ZNF570: variants seen among roughly 807,000 people sequenced by gnomAD.
ZNF570 encodes zinc finger protein 570.
ZNF570 carries 8 observed loss-of-function variants against 14.2 expected under a neutral mutation model. The observed-to-expected ratio is 0.56, with a 90% CI of 0.33 to 1.02. ZNF570 has a LOEUF of 1.02. Ranked by LOEUF, ZNF570 falls within the 50% of genes least tolerant of loss-of-function variation. The pLI, the probability that ZNF570 is intolerant of heterozygous loss-of-function variation, is 0.03. For missense variants in ZNF570, 559 were observed against 624.9 expected (o/e 0.89, Z 1.12); for synonymous variants, 202 against 207.6 (o/e 0.97, Z 0.23).
In ZNF570 at chr19:37,475,928, A is replaced by G; in HGVS notation, c.81A>G (p.Glu27=). 1 of 1,613,944 alleles carries G rather than the reference A, an allele frequency of 6.2e-7. No homozygotes were observed. The highest frequency in any genetic ancestry group is 8.5e-7 in the Non-Finnish European group (1 of 1,179,908). ...RDVAVDFSQE[E]WDCLDSSQRH... is the part of the protein sequence containing the mutation. ...TGGCTGTAGACTTCTCCCAAGAGGA[A>G]TGGGATTGTCTGGATTCTTCTCAAA... Residue 27 remains glutamate, a synonymous_variant, in exon 3 of 5, where the codon GAA becomes GAG. Transcript: ENST00000330173.
rs750537233 is a variant in ZNF570 at position 37,484,538 on chromosome 19, G to A, written c.916G>A (p.Val306Ile). 1.2e-6 allele frequency: 2 copies of A among 1,614,152 alleles called. No individual in the cohort carries two copies. The highest frequency in any genetic ancestry group is 1.7e-6 in the Non-Finnish European group (2 of 1,180,026). ...TGGAGAAAAACCTTACGAATGTAAG[G>A]TATGTCGAAAAGCCTTCAGCCAGTT... is the stretch of plus-strand genomic sequence containing the variant. Reference protein sequence around the residue: ...HTGEKPYECKVCRKAFSQFAY... With the variant: ...HTGEKPYECKICRKAFSQFAY... Residue 306 changes from valine (V) to isoleucine (I), a missense_variant, in exon 5 of 5, where the codon GTA becomes ATA. By Grantham distance (29) the Val-to-Ile change is conservative. Coordinates refer to ENST00000330173, the MANE Select transcript of ZNF570 (RefSeq NM_144694.5).
At chr19:37,470,115 C>G (rs1167610514) in intron 1 of ZNF570, 189 bp from the exon 2 acceptor site, 2 of 531,002 alleles carry the variant, frequency 3.8e-6, no homozygotes, top group Admixed American at 6.3e-5. Context: ...CTGTTGTTAA[C>G]CTAAGGAATT....
At chr19:37,478,808 T>C in intron 4 of ZNF570, among the ~76,000 whole-genome samples, 1 of 151,388 alleles carries the variant, frequency 6.6e-6, no homozygotes, top group East Asian at 1.9e-4. Context: ...CTTAATGTGG[T>C]AAATTACATA....
Position 37,486,113 on chromosome 19 carries a change from T to TG in ZNF570, c.*881dup, listed in dbSNP as rs1330790290. On this transcript the variant is annotated 3_prime_UTR_variant, in exon 5 of 5. Transcript: ENST00000330173. The stretch of plus-strand genomic sequence containing the variant: ...CCAGTTAAAACTTTTTTTTTTTTTT[T>TG]GCTTGTTATTGTTCTTAGACTAATA... The TG allele has an allele frequency of 6.6e-6, 1 of 151,714 alleles. No individual in the cohort carries two copies. The highest frequency in any genetic ancestry group is 1.5e-5 in the Non-Finnish European group (1 of 67,966). The allele number at this position is 151,714 out of a possible 1,614,324, so 9.4% of individuals were successfully genotyped here. A position where few individuals can be genotyped will look rare whatever the true frequency, so the allele number is the denominator to read the frequency against.
chr19:37,482,364 A>G (rs886174675), intron 4 of ZNF570, among the ~76,000 whole-genome samples: 6 of 152,222 alleles, frequency 3.9e-5, no homozygotes, highest in Non-Finnish European at 7.3e-5. Flanking sequence ...AGGAGGTCTC[A>G]GGAAGCTTCC....
intron 2 of ZNF570, 117 bp downstream of exon 2, chr19:37,470,504 T>G: frequency 3.5e-6 from 3 of 856,386 alleles, no homozygotes; most frequent in East Asian, 5.1e-5. Flanking sequence ...TTATCAACAC[T>G]CTCCATTGGA....
Position 37,469,376 on chromosome 19 carries a change from G to T in ZNF570, c.-233G>T, listed in dbSNP as rs114251803. On this transcript the variant is annotated 5_prime_UTR_variant, in exon 1 of 5. The change creates a new upstream start codon in the 5' untranslated region. Transcript: ENST00000330173. ...GAGGCGCTTCTTTCCGGGCCCGTAA[G>T]GGCTGGGTTCCATCCAACTAAGGGT... 2 of 1,451,968 alleles carry T rather than the reference G, an allele frequency of 1.4e-6. No homozygotes were observed. The highest frequency in any genetic ancestry group is 1.8e-6 in the Non-Finnish European group (2 of 1,098,590). 89.9% of individuals were successfully genotyped at this position (1,451,968 alleles called of 1,614,324 possible). A position where few individuals can be genotyped will look rare whatever the true frequency, so the allele number is the denominator to read the frequency against.
At position 37,484,229 on chromosome 19, in the gene ZNF570, T is replaced by A. The variant is rs778099195; in HGVS notation, c.607T>A (p.Leu203Ile). The A allele has an allele frequency of 6.2e-7, 1 of 1,613,816 alleles. No homozygotes were observed. The highest frequency in any genetic ancestry group is 2.2e-5 in the East Asian group (1 of 44,872). ...ACAAAAGAGAAGCTTTAAAAAAAAT[T>A]TAATGGCTATTAAGCCCAAGAGTGT... ...DTQKRSFKKN[L>I]MAIKPKSVCA... The change falls in exon 5 of 5, where the codon TTA becomes ATA. Residue 203 changes from leucine to isoleucine, a missense_variant. Physicochemically the swap from Leu to Ile is conservative, Grantham distance 5. Coordinates refer to ENST00000330173, the MANE Select transcript of ZNF570 (RefSeq NM_144694.5).
intron 2 of ZNF570, among the ~76,000 whole-genome samples, chr19:37,472,500 G>A (rs2041977821): frequency 6.6e-6 from 1 of 152,036 alleles, no homozygotes; most frequent in African/African-American, 2.4e-5. Flanking sequence ...CCAGCACTTT[G>A]GAGACCGAGG....
At chr19:37,477,564 A>T (rs1308582319) in intron 4 of ZNF570, among the ~76,000 whole-genome samples, 1 of 149,930 alleles carries the variant, frequency 6.7e-6, no homozygotes, top group African/African-American at 2.5e-5. Context: ...CTGGTCTCCA[A>T]CTCCTGATCT....
chr19:37,468,886 C>CA, upstream of ZNF570: 2 of 241,374 alleles, frequency 8.3e-6, no homozygotes, highest in Non-Finnish European at 1.3e-5. Context: ...CCCCGCTCCC[C>CA]TCCCAATTTT....
chr19:37,478,004 T>A (rs1203691289), intron 4 of ZNF570, among the ~76,000 whole-genome samples: 1 of 152,190 alleles, frequency 6.6e-6, no homozygotes, highest in Non-Finnish European at 1.5e-5. Context: ...AGGATAATTA[T>A]CTGCTAGGGA....
chr19:37,467,903 T>G (rs887646202), upstream of ZNF570: 80 of 1,535,986 alleles, frequency 5.2e-5, no homozygotes, highest in Non-Finnish European at 6.5e-5. Flanking sequence ...GTGCATGTAT[T>G]TGTTCTTTCT....
At chr19:37,467,925 TTG>T (rs747813245), upstream of ZNF570, 1 of 1,536,126 alleles carries the variant, frequency 6.5e-7, no homozygotes, top group East Asian at 2.4e-5. Context: ...GACTTCTCGA[TTG>T]TGAGTGTGAC....
In ZNF570 at chr19:37,471,009, A is replaced by ATTTTTTTTTTTTTTTTTTTTT. The variant is rs764609936; in HGVS notation, c.33+642_33+643insTTTTTTTTTTTTTTTTTTTTT. 1.0e-3 allele frequency among the ~76,000 whole-genome samples: 85 copies of ATTTTTTTTTTTTTTTTTTTTT among 84,390 alleles called. 7 individuals are homozygous for ATTTTTTTTTTTTTTTTTTTTT. Among genetic ancestry groups the ATTTTTTTTTTTTTTTTTTTTT allele is most frequent in the African/African-American group, 4.7e-3 (81 of 17,360 alleles). 55.4% of individuals were successfully genotyped at this position (84,390 alleles called of 152,430 possible). ...GCTACCATGCCTGGCCAGTGAGTACATTTTTTTTTTTTTTTTTTTTGTTGA... is the reference window on the plus strand; with the variant it reads ...GCTACCATGCCTGGCCAGTGAGTACATTTTTTTTTTTTTTTTTTTTTTTTTTTTTTTTTTTTTTTTTGTTGA... On this transcript the variant is annotated intron_variant, in intron 2 of 4. Coordinates refer to ENST00000330173, the MANE Select transcript of ZNF570 (RefSeq NM_144694.5).
Position 37,484,284 on chromosome 19 carries a change from A to T in ZNF570, c.662A>T (p.Asn221Ile). The T allele has an allele frequency of 6.2e-7, 1 of 1,613,482 alleles. No individual in the cohort carries two copies. The highest frequency in any genetic ancestry group is 8.5e-7 in the Non-Finnish European group (1 of 1,179,876). Residue 221 changes from asparagine to isoleucine, a missense_variant, in exon 5 of 5, where the codon AAT becomes ATT. Asn to Ile is a moderately radical substitution (Grantham distance 149). Transcript: ENST00000330173. ...VCAEKKLLKC[N>I]DCEKVFSQSS... The stretch of plus-strand genomic sequence containing the variant: ...GCAGAGAAGAAACTTTTGAAATGTA[A>T]TGACTGTGAAAAAGTCTTCAGCCAG...
intron 4 of ZNF570, among the ~76,000 whole-genome samples, chr19:37,482,920 C>T (rs898897539): frequency 6.7e-6 from 1 of 149,680 alleles, no homozygotes; most frequent in African/African-American, 2.5e-5. Context: ...AAAGAAGGTG[C>T]GTGCTTCCCC....
Position 37,488,635 on chromosome 19 carries a change from TAAAG to T in ZNF570, c.*3405_*3408del, listed in dbSNP as rs983995911. 7.9e-5 allele frequency: 12 copies of T among 151,998 alleles called. No individual in the cohort carries two copies. Among genetic ancestry groups the T allele is most frequent in the African/African-American group, 2.9e-4 (12 of 41,394 alleles). The allele number at this position is 151,998 out of a possible 1,614,324, so 9.4% of individuals were successfully genotyped here. On this transcript the variant is annotated 3_prime_UTR_variant, in exon 5 of 5. Coordinates refer to ENST00000330173, the MANE Select transcript of ZNF570 (RefSeq NM_144694.5). The stretch of plus-strand genomic sequence containing the variant: ...TAAACTATTTCATAATGCAAAAAAA[TAAAG>T]AATATTTAAATGATGTTTGCTTCTA...
chr19:37,471,935 G>T (rs1209121416), intron 2 of ZNF570, among the ~76,000 whole-genome samples: 1 of 133,616 alleles, frequency 7.5e-6, no homozygotes, highest in African/African-American at 2.9e-5. Flanking sequence ...TTTTTTTTGA[G>T]ATGGAGTCTC....
Sources: allele counts gnomAD v4.1 joint callset (sites outside exome capture counted in the v4.1 genomes callset), GRCh38; gene constraint gnomAD v4.1.1; transcripts MANE v1.5; gene names NCBI Gene and HGNC (gene_info 2026-07-23, HGNC 2026-07-21).